NXPH1: variants seen among roughly 807,000 people sequenced by gnomAD.
NXPH1 encodes neurexophilin-1.
Under a neutral mutation model 23.7 loss-of-function variants are expected in NXPH1, and 5 were observed. That is an observed-to-expected ratio of 0.21 (90% CI 0.11 to 0.44). The LOEUF (loss-of-function observed/expected upper bound fraction) is 0.44, where lower values mean the gene tolerates loss of function less well. Among genes scored for constraint, NXPH1 ranks in the 20% least tolerant of loss-of-function variants. The probability of loss-of-function intolerance (pLI) is 0.99; values close to 1 mark genes in which losing one functional copy is unlikely to be tolerated. For synonymous variants in NXPH1, 144 were observed against 122.2 expected (o/e 1.18, Z -1.18); for missense variants, 324 against 321.6 (o/e 1.01, Z -0.06).
chr7:8,632,034 A>G (rs1820140063), intron 2 of NXPH1, among the ~76,000 whole-genome samples: 1 of 152,170 alleles, frequency 6.6e-6, no homozygotes, highest in African/African-American at 2.4e-5. Flanking sequence ...TAGCTAAAAT[A>G]TTGATAAAGA....
chr7:8,596,782 A>G (rs911521363), intron 2 of NXPH1, among the ~76,000 whole-genome samples: 26 of 152,136 alleles, frequency 1.7e-4, no homozygotes, highest in Non-Finnish European at 2.9e-5. Context: ...ACTTGAAATC[A>G]GGGAACTCTG....
At chr7:8,670,391 G>A (rs2115169168) in intron 2 of NXPH1, among the ~76,000 whole-genome samples, 1 of 152,100 alleles carries the variant, frequency 6.6e-6, no homozygotes, top group Admixed American at 6.5e-5. Flanking sequence ...AAACCAAATT[G>A]GATTTACCAA....
At chr7:8,699,397 A>T (rs987160708) in intron 2 of NXPH1, among the ~76,000 whole-genome samples, 3 of 151,936 alleles carry the variant, frequency 2.0e-5, no homozygotes, top group African/African-American at 7.2e-5. Flanking sequence ...GCAAATTCAC[A>T]TAGTGAAATG....
At chr7:8,527,874 G>C (rs942517705) in intron 2 of NXPH1, among the ~76,000 whole-genome samples, 2 of 152,336 alleles carry the variant, frequency 1.3e-5, no homozygotes. Context: ...AGGAACATGG[G>C]ATGTGGAAAT....
chr7:8,656,700 C>T (rs183046203), intron 2 of NXPH1, among the ~76,000 whole-genome samples: 2 of 151,700 alleles, frequency 1.3e-5, no homozygotes, highest in East Asian at 1.9e-4. Flanking sequence ...CCGCTCCCCC[C>T]ACCCCACAAC....
chr7:8,533,498 CA>C lies in NXPH1; in HGVS notation c.54+97732del, dbSNP rs143205897. ...AAAACTTAGCATTTTTAAAAAAATTCAGGTTAGTGTTCATCCTCAAGGGGAA... is the reference window on the plus strand; with the variant it reads ...AAAACTTAGCATTTTTAAAAAAATTCGGTTAGTGTTCATCCTCAAGGGGAA... On this transcript the variant is annotated intron_variant, in intron 2 of 2. Coordinates refer to ENST00000405863, the MANE Select transcript of NXPH1 (RefSeq NM_152745.3). Among the ~76,000 whole-genome samples, 812 of 152,146 alleles carry C rather than the reference CA, an allele frequency of 5.3e-3. 9 individuals are homozygous for C. The highest frequency in any genetic ancestry group is 0.019 in the African/African-American group (779 of 41,522).
At chr7:8,681,299 A>T (rs954064329) in intron 2 of NXPH1, among the ~76,000 whole-genome samples, 1 of 152,242 alleles carries the variant, frequency 6.6e-6, no homozygotes, top group African/African-American at 2.4e-5. Context: ...TGATGCAAAA[A>T]TACCAAATAT....
intron 2 of NXPH1, among the ~76,000 whole-genome samples, chr7:8,745,468 T>G (rs1780451226): frequency 6.6e-6 from 1 of 151,994 alleles, no homozygotes; most frequent in African/African-American, 2.4e-5. Context: ...AGAGAGATGT[T>G]TGTCTATGAA....
At chr7:8,691,207 G>A (rs1035485145) in intron 2 of NXPH1, among the ~76,000 whole-genome samples, 4 of 152,086 alleles carry the variant, frequency 2.6e-5, no homozygotes, top group East Asian at 1.9e-4. Flanking sequence ...GTGCAATGGC[G>A]TGATCTCAGT....
At position 8,659,744 on chromosome 7, in the gene NXPH1, TAATG is replaced by T. The variant is rs548791248; in HGVS notation, c.55-91261_55-91258del. ...CTTAAAGTATAATAACAAAAAATAA[TAATG>T]AAAGAAATTTTCTTTAAAAAGAATG... On this transcript the variant is annotated intron_variant, in intron 2 of 2. Coordinates refer to ENST00000405863, the MANE Select transcript of NXPH1 (RefSeq NM_152745.3). Among the ~76,000 whole-genome samples, 353 of 148,770 alleles carry T rather than the reference TAATG, an allele frequency of 2.4e-3. 1 individual carries two copies. Among genetic ancestry groups the T allele is most frequent in the Middle Eastern group, 0.021 (6 of 288 alleles).
chr7:8,512,808 C>A lies in NXPH1; in HGVS notation c.54+77041C>A, dbSNP rs912971102. On this transcript the variant is annotated intron_variant, in intron 2 of 2. Transcript: ENST00000405863. ...TGCTTATGCATGTGTAGAAAAGGAG[C>A]GTTTCCATGTTGAACAGAATTGCAT... 2.6e-5 allele frequency among the ~76,000 whole-genome samples: 4 copies of A among 152,162 alleles called. No individual in the cohort carries two copies. The East Asian group carries it at 5.8e-4, about 22-fold the overall frequency.
intron 2 of NXPH1, among the ~76,000 whole-genome samples, chr7:8,616,336 C>A (rs999385113): frequency 4.6e-5 from 7 of 152,136 alleles, no homozygotes; most frequent in African/African-American, 1.7e-4. Flanking sequence ...TCCCTGATGA[C>A]CCTATAGAAA....
At chr7:8,478,870 G>C (rs896182723) in intron 2 of NXPH1, among the ~76,000 whole-genome samples, 1 of 151,990 alleles carries the variant, frequency 6.6e-6, no homozygotes, top group African/African-American at 2.4e-5. Flanking sequence ...AAGAAAATAT[G>C]AGCCAAAGAT....
At chr7:8,683,209 A>C (rs142782432) in intron 2 of NXPH1, among the ~76,000 whole-genome samples, 16 of 152,320 alleles carry the variant, frequency 1.1e-4, no homozygotes, top group East Asian at 3.9e-4. Flanking sequence ...TCTTTTAAAC[A>C]ACTGTCTTTT....
chr7:8,657,071 A>G (rs565889289), intron 2 of NXPH1, among the ~76,000 whole-genome samples: 1 of 152,264 alleles, frequency 6.6e-6, no homozygotes, highest in East Asian at 1.9e-4. Flanking sequence ...TGATGTCCTA[A>G]CTGTTATAGG....
intron 2 of NXPH1, among the ~76,000 whole-genome samples, chr7:8,500,043 A>AT (rs1298617096): frequency 6.6e-6 from 1 of 152,076 alleles, no homozygotes; most frequent in African/African-American, 2.4e-5. Context: ...GGATTGCAAT[A>AT]TTTCCAACAA....
chr7:8,734,723 C>G (rs1780219060), intron 2 of NXPH1, among the ~76,000 whole-genome samples: 1 of 152,158 alleles, frequency 6.6e-6, no homozygotes, highest in Non-Finnish European at 1.5e-5. Context: ...CGGTCCAGAG[C>G]TGAGTTCAAG....
chr7:8,650,418 T>C (rs1820473031), intron 2 of NXPH1, among the ~76,000 whole-genome samples: 1 of 152,230 alleles, frequency 6.6e-6, no homozygotes, highest in Non-Finnish European at 1.5e-5. Flanking sequence ...TCTTGTGATC[T>C]AAAGACACAG....
chr7:8,719,462 G>A (rs1049441706), intron 2 of NXPH1, among the ~76,000 whole-genome samples: 18 of 146,304 alleles, frequency 1.2e-4, no homozygotes, highest in African/African-American at 4.3e-4. Context: ...ACATTGGGTG[G>A]TATTTTTCCT....
Sources: allele counts gnomAD v4.1 joint callset (sites outside exome capture counted in the v4.1 genomes callset), GRCh38; gene constraint gnomAD v4.1.1; transcripts MANE v1.5; gene names NCBI Gene and HGNC (gene_info 2026-07-23, HGNC 2026-07-21).